PHEX: variants seen among roughly 807,000 people sequenced by gnomAD.
PHEX encodes phosphate-regulating neutral endopeptidase PHEX.
Under a neutral mutation model 68.0 loss-of-function variants are expected in PHEX, and 16 were observed. The observed-to-expected ratio is 0.24, with a 90% CI of 0.16 to 0.36. The LOEUF is 0.36. PHEX is among the 10% of genes least tolerant of loss of function. The probability of loss-of-function intolerance (pLI) is 1.00; values close to 1 mark genes in which losing one functional copy is unlikely to be tolerated. For synonymous variants in PHEX, 208 were observed against 205.1 expected, an observed-to-expected ratio of 1.01 and a Z score of -0.12; for missense variants, 480 against 575.5, an observed-to-expected ratio of 0.83 and a Z score of 1.70.
intron 18 of PHEX, among the ~76,000 whole-genome samples, chrX:22,222,892 T>TTAAG (rs1376613831): frequency 1.8e-5 from 2 of 111,661 alleles, no homozygotes; most frequent in East Asian, 2.8e-4. Context: ...AGATTAGAGT[T>TTAAG]TAAGTAAGTC....
intron 3 of PHEX, among the ~76,000 whole-genome samples, chrX:22,067,233 C>T (rs1362960120): frequency 9.2e-6 from 1 of 108,779 alleles, no homozygotes; most frequent in Admixed American, 9.7e-5. Context: ...CAGAGTGAGG[C>T]CCTGTCTCGA....
chrX:22,144,784 A>G (rs1360672591), intron 12 of PHEX, among the ~76,000 whole-genome samples: 1 of 109,819 alleles, frequency 9.1e-6, no homozygotes, highest in African/African-American at 3.3e-5. Context: ...ATCAGTATCC[A>G]GATGAGGTCT....
chrX:22,227,817 G>C (rs1345519136), intron 20 of PHEX, among the ~76,000 whole-genome samples: 1 of 112,151 alleles, frequency 8.9e-6, no homozygotes, highest in African/African-American at 3.2e-5. Context: ...AGGTTTATTA[G>C]TATTTTTTAA....
rs1238094145 is a variant in PHEX, at chrX:22,143,198, G to A, written c.1404+9574G>A. Among the ~76,000 whole-genome samples the A allele has an allele frequency of 9.8e-5, 11 of 111,959 alleles. No homozygotes were observed. In the East Asian group the frequency reaches 3.1e-3, roughly 31 times the overall value. On this transcript the variant is annotated intron_variant, in intron 12 of 21. Coordinates refer to ENST00000379374, the MANE Select transcript of PHEX (RefSeq NM_000444.6). ...GTGAACAATTCTCAATTAGATAGAA[G>A]AAATAAGCTCTCATGCTCAATAGCA...
At chrX:22,167,476 T>C (rs1278431437) in intron 12 of PHEX, among the ~76,000 whole-genome samples, 1 of 107,459 alleles carries the variant, frequency 9.3e-6, no homozygotes, top group Non-Finnish European at 1.9e-5. Flanking sequence ...TTTTCCCTTT[T>C]TAATTTTTTA....
intron 16 of PHEX, among the ~76,000 whole-genome samples, chrX:22,218,790 A>G (rs1190782129): frequency 8.9e-6 from 1 of 112,278 alleles, no homozygotes; most frequent in African/African-American, 3.2e-5. Flanking sequence ...CTAATTTCAG[A>G]GAGTAGGGCA....
At chrX:22,040,133 C>A (rs929799635) in intron 2 of PHEX, among the ~76,000 whole-genome samples, 5 of 111,846 alleles carry the variant, frequency 4.5e-5, no homozygotes, top group Non-Finnish European at 9.4e-5. Context: ...CTAGCCCTCA[C>A]CCTCATTCTT....
intron 3 of PHEX, among the ~76,000 whole-genome samples, chrX:22,064,278 T>C (rs1202396370): frequency 9.1e-6 from 1 of 109,549 alleles, no homozygotes; most frequent in Non-Finnish European, 1.9e-5. Context: ...TTGTTTTTTT[T>C]CTGAACCTCT....
intron 3 of PHEX, among the ~76,000 whole-genome samples, chrX:22,055,185 A>C (rs6633510): frequency 2.1e-3 from 39 of 18,373 alleles, no homozygotes; most frequent in African/African-American, 6.7e-3. Flanking sequence ...AAAAAAAAAA[A>C]AAAAAAAAAA....
intron 11 of PHEX, among the ~76,000 whole-genome samples, chrX:22,133,104 T>G (rs1228355374): frequency 8.9e-6 from 1 of 111,777 alleles, no homozygotes; most frequent in African/African-American, 3.3e-5. Context: ...CATGTTGGTC[T>G]TGAACTCCTG....
intron 12 of PHEX, among the ~76,000 whole-genome samples, chrX:22,163,683 C>G (rs777581327): frequency 8.9e-6 from 1 of 112,012 alleles, no homozygotes; most frequent in South Asian, 3.7e-4. Context: ...TCACTGCTCT[C>G]TCAGCATTTA....
intron 7 of PHEX, among the ~76,000 whole-genome samples, chrX:22,096,603 T>A (rs1343139499): frequency 1.8e-5 from 2 of 112,114 alleles, no homozygotes; most frequent in African/African-American, 6.5e-5. Context: ...GAAATCATTA[T>A]CTGGAGACCA....
At chrX:22,178,702 TAAC>T (rs1046817281) in intron 14 of PHEX, among the ~76,000 whole-genome samples, 2 of 112,333 alleles carry the variant, frequency 1.8e-5, no homozygotes, top group African/African-American at 6.5e-5. Context: ...ATTCATGTAA[TAAC>T]TTTTGAAGAC....
chrX:22,235,205 T>C (rs985380498), intron 20 of PHEX, among the ~76,000 whole-genome samples: 1 of 111,837 alleles, frequency 8.9e-6, no homozygotes, highest in Non-Finnish European at 1.9e-5. Flanking sequence ...GGTACCTCAG[T>C]TGGAAATGCA....
chrX:22,047,759 A>G (rs1166419895), intron 3 of PHEX, among the ~76,000 whole-genome samples: 2 of 111,644 alleles, frequency 1.8e-5, no homozygotes, highest in Non-Finnish European at 1.9e-5. Context: ...ACGTGGATGC[A>G]TAGAAACATA....
chrX:22,168,335 T>C lies in PHEX; in HGVS notation c.1428T>C (p.Val476=). The change falls in exon 13 of 22, where the codon GTT becomes GTC. Residue 476 remains valine, a synonymous_variant. Coordinates refer to ENST00000379374, the MANE Select transcript of PHEX (RefSeq NM_000444.6). ...KEKARAVLAK[V]GYPEFIMNDT... is the part of the protein sequence containing the mutation. ...AGGCGAGAGCTGTTTTGGCAAAAGT[T>C]GGCTATCCAGAGTTTATAATGAATG... 1.7e-6 allele frequency: 2 copies of C among 1,202,391 alleles called. No individual in the cohort carries two copies. Among genetic ancestry groups the C allele is most frequent in the Non-Finnish European group, 2.3e-6 (2 of 886,992 alleles).
At chrX:22,194,155 T>A (rs1934290540) in intron 15 of PHEX, among the ~76,000 whole-genome samples, 1 of 112,060 alleles carries the variant, frequency 8.9e-6, no homozygotes, top group South Asian at 3.8e-4. Flanking sequence ...GGTAACCCAA[T>A]GGTTTCATGA....
At chrX:22,232,018 T>C (rs964746473) in intron 20 of PHEX, among the ~76,000 whole-genome samples, 1 of 112,106 alleles carries the variant, frequency 8.9e-6, no homozygotes, top group Non-Finnish European at 1.9e-5. Context: ...GCCTTCATTT[T>C]GTTATGTACC....
intron 3 of PHEX, among the ~76,000 whole-genome samples, chrX:22,058,323 G>T (rs1273158569): frequency 8.9e-6 from 1 of 112,309 alleles, no homozygotes; most frequent in Non-Finnish European, 1.9e-5. Context: ...TTCTACACAT[G>T]GTTCAATAAA....
Sources: allele counts gnomAD v4.1 joint callset (sites outside exome capture counted in the v4.1 genomes callset), GRCh38; gene constraint gnomAD v4.1.1; transcripts MANE v1.5; gene names NCBI Gene and HGNC (gene_info 2026-07-23, HGNC 2026-07-21).